Variants in TGFBR3 observed in about 807,000 individuals in gnomAD.
The protein encoded by TGFBR3 is transforming growth factor beta receptor 3.
A neutral mutation model predicts 87.9 loss-of-function variants in TGFBR3; 46 were observed. The observed-to-expected ratio is 0.52, with a 90% CI of 0.41 to 0.67. TGFBR3 has a LOEUF of 0.67. Ranked by LOEUF, TGFBR3 falls within the 30% of genes least tolerant of loss-of-function variation. The pLI is 0.00. For synonymous variants in TGFBR3, 381 were observed against 391.6 expected (o/e 0.97, Z 0.32); for missense variants, 866 against 1,041.9 (o/e 0.83, Z 2.32).
intron 4 of TGFBR3, among the ~76,000 whole-genome samples, chr1:91,755,528 T>C (rs534529362): frequency 6.6e-6 from 1 of 152,210 alleles, no homozygotes; most frequent in Non-Finnish European, 1.5e-5. Context: ...CCTTGACTTC[T>C]CCTGATGCTG....
chr1:91,709,487 C>T (rs1158030095), intron 13 of TGFBR3, among the ~76,000 whole-genome samples: 1 of 152,180 alleles, frequency 6.6e-6, no homozygotes, highest in East Asian at 1.9e-4. Context: ...CATTTTTCTC[C>T]AATAAGATAA....
chr1:91,852,812 C>A (rs1677790168), intron 2 of TGFBR3, among the ~76,000 whole-genome samples: 1 of 152,146 alleles, frequency 6.6e-6, no homozygotes, highest in Non-Finnish European at 1.5e-5. Flanking sequence ...TTGACAATAT[C>A]CTTTCCTTGT....
chr1:91,747,170 T>A (rs1557689742), intron 4 of TGFBR3, among the ~76,000 whole-genome samples: 1 of 152,206 alleles, frequency 6.6e-6, no homozygotes, highest in Non-Finnish European at 1.5e-5. Flanking sequence ...CCAAAAATGA[T>A]GCTCTTTCCA....
At position 91,695,495 on chromosome 1, in the gene TGFBR3, C is replaced by T. The variant is rs1462983850; in HGVS notation, c.2437+177G>A. ...AGTTTAAACCTTCCTTTTCTTTCCA[C>T]TGTTTATGGCAAATTATACTTTTGT... On this transcript the variant is annotated intron_variant, in intron 16 of 16. Coordinates refer to ENST00000212355, the MANE Select transcript of TGFBR3 (RefSeq NM_003243.5). The T allele has an allele frequency of 4.6e-6, 3 of 653,464 alleles. No individual in the cohort carries two copies. The East Asian group carries it at 8.5e-5, about 19-fold the overall frequency. 40.5% of individuals were successfully genotyped at this position (653,464 alleles called of 1,614,324 possible). A position where few individuals can be genotyped will look rare whatever the true frequency, so the allele number is the denominator to read the frequency against.
chr1:91,819,503 A>C (rs1415413546), intron 2 of TGFBR3, among the ~76,000 whole-genome samples: 1 of 152,216 alleles, frequency 6.6e-6, no homozygotes, highest in African/African-American at 2.4e-5. Flanking sequence ...GAGGAAGCTG[A>C]GACAATTCAT....
At chr1:91,756,634 TTTTTGGC>T (rs1344036322) in intron 4 of TGFBR3, among the ~76,000 whole-genome samples, 1 of 152,218 alleles carries the variant, frequency 6.6e-6, no homozygotes, top group African/African-American at 2.4e-5. Context: ...TGATTTTTGA[TTTTTGGC>T]CTTTTTAATA....
intron 4 of TGFBR3, among the ~76,000 whole-genome samples, chr1:91,754,354 T>C (rs1673663808): frequency 6.6e-6 from 1 of 152,208 alleles, no homozygotes; most frequent in South Asian, 2.1e-4. Flanking sequence ...AGTTTCAACA[T>C]GGCACACTGA....
chr1:91,834,890 G>T (rs1272180722), intron 2 of TGFBR3, among the ~76,000 whole-genome samples: 2 of 152,192 alleles, frequency 1.3e-5, no homozygotes, highest in Non-Finnish European at 2.9e-5. Flanking sequence ...ATGTTGGCCA[G>T]GCTGGTCTCA....
intron 3 of TGFBR3, among the ~76,000 whole-genome samples, chr1:91,764,863 T>C (rs985749938): frequency 9.9e-5 from 15 of 151,936 alleles, no homozygotes; most frequent in African/African-American, 3.6e-4. Context: ...TCTTTCCCCC[T>C]CCCTCAGACA....
chr1:91,742,986 A>G (rs1673207542), intron 4 of TGFBR3, among the ~76,000 whole-genome samples: 1 of 152,162 alleles, frequency 6.6e-6, no homozygotes, highest in Non-Finnish European at 1.5e-5. Context: ...CCAAAACTAC[A>G]TGAAAAAAGC....
At chr1:91,875,780 CGGGCGGGGGGGGGGGGT>C (rs1678769420) in intron 1 of TGFBR3, among the ~76,000 whole-genome samples, 1 of 6,892 alleles carries the variant, frequency 1.5e-4, no homozygotes, top group Non-Finnish European at 3.4e-4. Context: ...CCCAGCTACT[CGGGCGGGGGGGGGGGGT>C]GGGAGTGTGC....
intron 7 of TGFBR3, among the ~76,000 whole-genome samples, chr1:91,724,449 G>A (rs1377772255): frequency 6.6e-6 from 1 of 152,058 alleles, no homozygotes; most frequent in Non-Finnish European, 1.5e-5. Context: ...TCATGTTGTT[G>A]GACAGCTGAG....
Position 91,727,985 on chromosome 1 carries a change from T to C in TGFBR3, c.738-179A>G. 4 of 668,296 alleles carry C rather than the reference T, an allele frequency of 6.0e-6. No individual in the cohort carries two copies. In the East Asian group the frequency reaches 1.1e-4, roughly 18 times the overall value. 41.4% of individuals were successfully genotyped at this position (668,296 alleles called of 1,614,324 possible). A position where few individuals can be genotyped will look rare whatever the true frequency, so the allele number is the denominator to read the frequency against. On this transcript the variant is annotated intron_variant, in intron 6 of 16. Coordinates refer to ENST00000212355, the MANE Select transcript of TGFBR3 (RefSeq NM_003243.5). ...TACTGCACACATAACAAAATTGTTTTACATAACAATAGAAACATATGCTTG... is the reference window on the plus strand; with the variant it reads ...TACTGCACACATAACAAAATTGTTTCACATAACAATAGAAACATATGCTTG...
intron 16 of TGFBR3, among the ~76,000 whole-genome samples, chr1:91,694,224 C>T (rs1004515030): frequency 5.3e-5 from 8 of 152,210 alleles, no homozygotes; most frequent in African/African-American, 1.9e-4. Flanking sequence ...AACTCCTGGG[C>T]TCAAGTGATC....
chr1:91,720,633 G>T (rs1672335132), intron 8 of TGFBR3, among the ~76,000 whole-genome samples: 1 of 152,150 alleles, frequency 6.6e-6, no homozygotes, highest in South Asian at 2.1e-4. Context: ...ATATGTTTTA[G>T]TCTCTCCATG....
chr1:91,729,441 A>G (rs189649736), intron 6 of TGFBR3, among the ~76,000 whole-genome samples: 2 of 152,336 alleles, frequency 1.3e-5, no homozygotes, highest in South Asian at 2.1e-4. Flanking sequence ...TTTTCCTATC[A>G]GGGATAACCT....
intron 3 of TGFBR3, among the ~76,000 whole-genome samples, chr1:91,766,183 A>C (rs915137198): frequency 9.7e-5 from 14 of 144,448 alleles, no homozygotes; most frequent in African/African-American, 3.6e-4. Context: ...CACCATAACC[A>C]GCTAAGTTTG....
chr1:91,712,849 A>G (rs1672030737), intron 12 of TGFBR3, among the ~76,000 whole-genome samples: 1 of 152,248 alleles, frequency 6.6e-6, no homozygotes, highest in Non-Finnish European at 1.5e-5. Flanking sequence ...CTAAAAATAA[A>G]AACATATTTT....
At chr1:91,720,277 C>T in intron 8 of TGFBR3, 47 bp from the exon 9 acceptor site, 1 of 1,508,946 alleles carries the variant, frequency 6.6e-7, no homozygotes, top group Non-Finnish European at 9.0e-7. Flanking sequence ...GATGCCAGGC[C>T]ACAACCAACA....
Sources: gnomAD v4.1 joint callset for allele counts (sites outside exome capture counted in the v4.1 genomes callset) on GRCh38, gnomAD v4.1.1 for gene constraint, MANE v1.5 for transcripts, NCBI Gene and HGNC (gene_info 2026-07-23, HGNC 2026-07-21) for gene names.